Variants in BMX observed in about 807,000 individuals in gnomAD.
The protein encoded by BMX is cytoplasmic tyrosine-protein kinase BMX.
A neutral mutation model predicts 59.2 loss-of-function variants in BMX; 31 were observed. The ratio of observed to expected loss-of-function variants is 0.52; its 90% CI spans 0.39 to 0.71. The LOEUF (loss-of-function observed/expected upper bound fraction) is 0.71, where lower values mean the gene tolerates loss of function less well. Among genes scored for constraint, BMX ranks in the 30% least tolerant of loss-of-function variants. BMX has a pLI of 0.00. For synonymous variants in BMX, 185 were observed against 181.0 expected (o/e 1.02, Z -0.18); for missense variants, 474 against 491.7 (o/e 0.96, Z 0.34).
At position 15,530,021 on chromosome X, in the gene BMX, A is replaced by G. The variant is rs374177999; in HGVS notation, c.933A>G (p.Arg311=). Residue 311 remains arginine (R), a synonymous_variant, in exon 10 of 19, where the codon AGA becomes AGG. Coordinates refer to ENST00000348343, the MANE Select transcript of BMX (RefSeq NM_203281.3). The part of the protein sequence containing the change: ...ISRSQSEQLL[R]QKGKEGAFMV... The stretch of plus-strand genomic sequence containing the variant: ...GATCACAATCTGAACAGTTACTCAG[A>G]CAAAAGGTAAATAGTCTTGTCTTTA... 7 of 1,207,114 alleles carry G rather than the reference A, an allele frequency of 5.8e-6. No individual in the cohort carries two copies. The highest frequency in any genetic ancestry group is 7.8e-6 in the Non-Finnish European group (7 of 891,853).
chrX:15,541,282 C>T (rs1925663883), intron 14 of BMX, among the ~76,000 whole-genome samples: 1 of 110,414 alleles, frequency 9.1e-6, no homozygotes, highest in Non-Finnish European at 1.9e-5. Flanking sequence ...CATTACGCTC[C>T]ATTTTCTTCT....
At chrX:15,519,640 G>C (rs971937569) in intron 6 of BMX, among the ~76,000 whole-genome samples, 1 of 111,713 alleles carries the variant, frequency 9.0e-6, no homozygotes, top group Non-Finnish European at 1.9e-5. Context: ...CTGAGGCTGG[G>C]TAATTGATAA....
chrX:15,530,110 C>T, intron 10 of BMX, 83 bp downstream of exon 10: 1 of 929,651 alleles, frequency 1.1e-6, no homozygotes, highest in East Asian at 3.2e-5. Flanking sequence ...CTCATAGAAA[C>T]CTTCCTGCTA....
chrX:15,514,745 T>C (rs1305370188), intron 4 of BMX, among the ~76,000 whole-genome samples: 1 of 111,613 alleles, frequency 9.0e-6, no homozygotes, highest in Non-Finnish European at 1.9e-5. Context: ...CACATATTCC[T>C]AGGAAAGTAG....
chrX:15,509,363 A>G lies in BMX; in HGVS notation c.173A>G (p.Lys58Arg), dbSNP rs767710151. 1.7e-6 allele frequency: 2 copies of G among 1,209,001 alleles called. No homozygotes were observed. Among genetic ancestry groups the G allele is most frequent in the East Asian group, 5.9e-5 (2 of 33,723 alleles). Residue 58 changes from lysine to arginine, a missense_variant, in exon 3 of 19, where the codon AAG becomes AGG. Coordinates refer to ENST00000348343, the MANE Select transcript of BMX (RefSeq NM_203281.3). ...RGSRKGSIEI[K>R]KIRCVEKVNL... ...AGCAGAAAAGGATCCATTGAAATTAAGAAAATCAGATGTGTGGAGAAAGTA... is the reference window on the plus strand; with the variant it reads ...AGCAGAAAAGGATCCATTGAAATTAGGAAAATCAGATGTGTGGAGAAAGTA...
At position 15,535,912 on chromosome X, in the gene BMX, A is replaced by G. The variant is rs951618426; in HGVS notation, c.1148-441A>G. ...ACCATAACTAAATATAAACAATTAA[A>G]ATGGCTTGACCACTTAATGAAACTT... On this transcript the variant is annotated intron_variant, in intron 12 of 18. Transcript: ENST00000348343. Among the ~76,000 whole-genome samples the G allele has an allele frequency of 9.8e-5, 11 of 112,292 alleles. No individual in the cohort carries two copies. The South Asian group carries it at 2.6e-3, about 26-fold the overall frequency.
chrX:15,555,512 G>A (rs1473540094), intron 18 of BMX, among the ~76,000 whole-genome samples: 1 of 110,839 alleles, frequency 9.0e-6, no homozygotes, highest in African/African-American at 3.3e-5. Flanking sequence ...CCTGGCCAGG[G>A]ATGCTTTTTT....
chrX:15,534,122 T>C, intron 11 of BMX, 90 bp from the exon 12 acceptor site: 1 of 893,720 alleles, frequency 1.1e-6, no homozygotes, highest in South Asian at 3.5e-5. Flanking sequence ...TCTCCAAAAT[T>C]TGCAAATGCA....
chrX:15,531,381 A>T lies in BMX; in HGVS notation c.993A>T (p.Thr331=), dbSNP rs1925063590. 1.7e-6 allele frequency: 2 copies of T among 1,208,011 alleles called. No homozygotes were observed. The highest frequency in any genetic ancestry group is 2.2e-6 in the Non-Finnish European group (2 of 892,367). Residue 331 remains threonine, a synonymous_variant, in exon 11 of 19, where the codon ACA becomes ACT. Coordinates refer to ENST00000348343, the MANE Select transcript of BMX (RefSeq NM_203281.3). ...VRNSSQVGMY[T]VSLFSKAVND... is the part of the protein sequence containing the mutation. Reference sequence around the variant, plus strand: ...ATTCGAGCCAAGTGGGAATGTACACAGTGTCCTTATTTAGTAAGGCTGTGA... The same window carrying T: ...ATTCGAGCCAAGTGGGAATGTACACTGTGTCCTTATTTAGTAAGGCTGTGA...
At chrX:15,555,488 C>T (rs373350936) in intron 18 of BMX, among the ~76,000 whole-genome samples, 12 of 110,916 alleles carry the variant, frequency 1.1e-4, no homozygotes, top group African/African-American at 3.6e-4. Flanking sequence ...GGATTACAGG[C>T]GTGAGCCACT....
At chrX:15,544,621 C>G (rs1170097398) in intron 16 of BMX, among the ~76,000 whole-genome samples, 2 of 111,313 alleles carry the variant, frequency 1.8e-5, no homozygotes, top group African/African-American at 6.5e-5. Context: ...AGTAAGAGAT[C>G]CTGGAAGCCA....
At chrX:15,554,709 T>C (rs774724774) in intron 18 of BMX, among the ~76,000 whole-genome samples, 116 of 111,771 alleles carry the variant, frequency 1.0e-3, no homozygotes, top group Non-Finnish European at 1.8e-3. Flanking sequence ...TCTGATATAG[T>C]TTGTGTTTGT....
intron 16 of BMX, 115 bp downstream of exon 16, chrX:15,543,250 G>GGTTTCT: frequency 6.2e-6 from 4 of 643,646 alleles, no homozygotes; most frequent in Non-Finnish European, 9.5e-6. Context: ...TGGGGGCTTA[G>GGTTTCT]AAACCTAAGT....
At chrX:15,504,658 TAA>T (rs1053970692) in intron 1 of BMX, among the ~76,000 whole-genome samples, 24 of 112,458 alleles carry the variant, frequency 2.1e-4, no homozygotes, top group Non-Finnish European at 4.1e-4. Flanking sequence ...ATAGTGATTA[TAA>T]GTCATGTTAA....
At chrX:15,550,053 A>C (rs1455678401) in intron 18 of BMX, 56 bp downstream of exon 18, 1 of 1,141,039 alleles carries the variant, frequency 8.8e-7, no homozygotes, top group Non-Finnish European at 1.2e-6. Flanking sequence ...CGGGGTGATT[A>C]CTGCATCACC....
chrX:15,503,740 C>T (rs1050126054), intron 1 of BMX, among the ~76,000 whole-genome samples: 1 of 112,232 alleles, frequency 8.9e-6, no homozygotes, highest in Admixed American at 9.4e-5. Context: ...AGCGTGGTCA[C>T]GAATATGGGA....
rs1471275479 is a variant in BMX at position 15,531,347 on chromosome X, T to C, written c.959T>C (p.Met320Thr). The C allele has an allele frequency of 2.5e-6, 3 of 1,206,474 alleles. No individual in the cohort carries two copies. The highest frequency in any genetic ancestry group is 3.4e-6 in the Non-Finnish European group (3 of 892,267). ...LRQKGKEGAF[M>T]VRNSSQVGMY... Reference sequence around the variant, plus strand: ...TTTCAGGGAAAAGAAGGAGCATTTATGGTTAGAAATTCGAGCCAAGTGGGA... The same window carrying C: ...TTTCAGGGAAAAGAAGGAGCATTTACGGTTAGAAATTCGAGCCAAGTGGGA... The change falls in exon 11 of 19, where the codon ATG becomes ACG. Residue 320 changes from methionine (M) to threonine (T), a missense_variant. Transcript: ENST00000348343.
At chrX:15,555,770 T>C (rs924431327) in intron 18 of BMX, among the ~76,000 whole-genome samples, 1 of 112,022 alleles carries the variant, frequency 8.9e-6, no homozygotes, top group African/African-American at 3.2e-5. Context: ...ATTGATACTC[T>C]CAGATTTTCC....
Position 15,546,941 on chromosome X carries a change from C to G in BMX, c.1795+20C>G, listed in dbSNP as rs368012428. The G allele has an allele frequency of 2.6e-6, 3 of 1,139,753 alleles. No homozygotes were observed. Among genetic ancestry groups the G allele is most frequent in the Non-Finnish European group, 3.6e-6 (3 of 835,311 alleles). 93.9% of individuals were successfully genotyped at this position (1,139,753 alleles called of 1,213,427 possible). On this transcript the variant is annotated intron_variant, in intron 17 of 18. Coordinates refer to ENST00000348343, the MANE Select transcript of BMX (RefSeq NM_203281.3). The stretch of plus-strand genomic sequence containing the variant: ...CATTTGGTAAGGATGTGGCCACATA[C>G]GACCTGGCCCTGTTTCATAAGCTTA...
Sources: allele counts gnomAD v4.1 joint callset (sites outside exome capture counted in the v4.1 genomes callset), GRCh38; gene constraint gnomAD v4.1.1; transcripts MANE v1.5; gene names NCBI Gene and HGNC (gene_info 2026-07-23, HGNC 2026-07-21).